TRAPPC14: variants seen among roughly 807,000 people sequenced by gnomAD.
The protein encoded by TRAPPC14 is microtubule associated protein 11.
Under a neutral mutation model 56.6 loss-of-function variants are expected in TRAPPC14, and 24 were observed. The ratio of observed to expected loss-of-function variants is 0.42; its 90% CI spans 0.31 to 0.60. TRAPPC14 has a LOEUF of 0.60. Ranked by LOEUF, TRAPPC14 falls within the 20% of genes least tolerant of loss-of-function variation. The pLI is 0.14. For missense variants in TRAPPC14, 615 were observed against 790.3 expected, an observed-to-expected ratio of 0.78 and a Z score of 2.66; for synonymous variants, 377 against 347.0, an observed-to-expected ratio of 1.09 and a Z score of -0.96.
At chr7:100,156,821 A>T in intron 6 of TRAPPC14, 24 bp downstream of exon 6, 1 of 1,612,520 alleles carries the variant, frequency 6.2e-7, no homozygotes, top group South Asian at 1.1e-5. Flanking sequence ...CTTTTCTTTG[A>T]ACACACCAGC....
At chr7:100,156,580 T>G in intron 7 of TRAPPC14, 31 bp from the exon 8 acceptor site, 2 of 1,612,970 alleles carry the variant, frequency 1.2e-6, no homozygotes, top group Non-Finnish European at 1.7e-6. Flanking sequence ...ATGCTGGCTG[T>G]GTGTGTCAGG....
Position 100,154,734 on chromosome 7 carries a change from G to T in TRAPPC14, c.*277C>A. 1 of 525,618 alleles carries T rather than the reference G, an allele frequency of 1.9e-6. No homozygotes were observed. The highest frequency in any genetic ancestry group is 1.9e-5 in the African/African-American group (1 of 51,862). The allele number at this position is 525,618 out of a possible 1,614,324, so 32.6% of individuals were successfully genotyped here. On this transcript the variant is annotated 3_prime_UTR_variant, in exon 11 of 11. Coordinates refer to ENST00000316937, the MANE Select transcript of TRAPPC14 (RefSeq NM_018275.5). ...CTCAGAACCAGGGTAAAGGGCCGGG[G>T]ACAAGGGAGCTCTGGGAACCCTTGC...
At chr7:100,157,803 G>C (rs1392870225) in intron 2 of TRAPPC14, 40 bp downstream of exon 2, 1 of 1,614,080 alleles carries the variant, frequency 6.2e-7, no homozygotes, top group East Asian at 2.2e-5. Context: ...CGGAAAAGGT[G>C]TCTGAATTAG....
Position 100,156,875 on chromosome 7 carries a change from C to T in TRAPPC14, c.963G>A (p.Gly321=), listed in dbSNP as rs1798891908. Reference sequence around the variant, plus strand: ...TGGCCCCTGGAGGGGGCTGCTCACCCCCTCTCAGCTGAAACAGGAAGTTGT... The same window carrying T: ...TGGCCCCTGGAGGGGGCTGCTCACCTCCTCTCAGCTGAAACAGGAAGTTGT... The part of the protein sequence containing the change: ...EEHNFLFQLR[G]GEQPPPGAKE... Residue 321 remains glycine, a synonymous_variant, in exon 6 of 11, where the codon GGG becomes GGA. Transcript: ENST00000316937. 3 of 1,614,138 alleles carry T rather than the reference C, an allele frequency of 1.9e-6. No individual in the cohort carries two copies. The highest frequency in any genetic ancestry group is 1.7e-6 in the Non-Finnish European group (2 of 1,180,034).
At chr7:100,156,769 C>G in intron 6 of TRAPPC14, 53 bp from the exon 7 acceptor site, 1 of 1,600,786 alleles carries the variant, frequency 6.2e-7, no homozygotes, top group Non-Finnish European at 8.5e-7. Flanking sequence ...CCCCTCCCAT[C>G]TTGAGTCAGC....
chr7:100,156,609 C>A, intron 7 of TRAPPC14, 25 bp downstream of exon 7: 1 of 1,610,648 alleles, frequency 6.2e-7, no homozygotes, highest in Non-Finnish European at 8.5e-7. Flanking sequence ...GCGAACGCCA[C>A]GATTCCTCCA....
rs1484443014 is a variant in TRAPPC14 at position 100,155,162 on chromosome 7, G to C, written c.1592C>G (p.Ser531Trp). 4 of 1,610,764 alleles carry C rather than the reference G, an allele frequency of 2.5e-6. No individual in the cohort carries two copies. In the South Asian group the frequency reaches 4.4e-5, roughly 18 times the overall value. ...QQPSRSHLMRSGSVMERRAIT... is the reference protein window; with the variant it reads ...QQPSRSHLMRWGSVMERRAIT... ...GGCTCTGCGCTCCATCACACTGCCC[G>C]ACCTGGGGGAAGGCAGAGGCTGTGG... The change falls in exon 11 of 11, where the codon TCG becomes TGG. Residue 531 changes from serine to tryptophan, a missense_variant and splice_region_variant. Ser to Trp is a radical substitution (Grantham distance 177). Coordinates refer to ENST00000316937, the MANE Select transcript of TRAPPC14 (RefSeq NM_018275.5).
chr7:100,158,079 A>C lies in TRAPPC14; in HGVS notation c.411+10T>G. ...CTCCGTCCTGTGCCAGGTCCCCCAA[A>C]GCTCCTCACCGTGGTCGCTCCCCCT... On this transcript the variant is annotated intron_variant, in intron 1 of 10. Transcript: ENST00000316937. The C allele has an allele frequency of 6.9e-7, 1 of 1,459,362 alleles. No individual in the cohort carries two copies. Among genetic ancestry groups the C allele is most frequent in the Non-Finnish European group, 9.1e-7 (1 of 1,103,104 alleles). The allele number at this position is 1,459,362 out of a possible 1,614,324, so 90.4% of individuals were successfully genotyped here. A position where few individuals can be genotyped will look rare whatever the true frequency, so the allele number is the denominator to read the frequency against.
Position 100,158,239 on chromosome 7 carries a change from G to T in TRAPPC14, c.261C>A (p.Ala87=), listed in dbSNP as rs1190503075. 2 of 1,483,498 alleles carry T rather than the reference G, an allele frequency of 1.3e-6. No homozygotes were observed. The highest frequency in any genetic ancestry group is 5.4e-5 in the East Asian group (2 of 36,718). The allele number at this position is 1,483,498 out of a possible 1,614,324, so 91.9% of individuals were successfully genotyped here. A position where few individuals can be genotyped will look rare whatever the true frequency, so the allele number is the denominator to read the frequency against. Residue 87 remains alanine (A), a synonymous_variant, in exon 1 of 11, where the codon GCC becomes GCA. Coordinates refer to ENST00000316937, the MANE Select transcript of TRAPPC14 (RefSeq NM_018275.5). The part of the protein sequence containing the change: ...TALAALASVS[A]GGGMPGGGGA... ...CGCCGCCCCCCGGCATCCCGCCTCC[G>T]GCGCTGACCGAGGCCAGGGCGGCCA...
chr7:100,156,404 G>C lies in TRAPPC14; in HGVS notation c.1222C>G (p.Pro408Ala). Reference sequence around the variant, plus strand: ...GACCTACCAGCCTGTGCATGCTCTGGGGTCCACACGAGCCTCACAGCAAGG... The same window carrying C: ...GACCTACCAGCCTGTGCATGCTCTGCGGTCCACACGAGCCTCACAGCAAGG... ...DFLAVRLVWTPEHAQAGKQLC... is the reference protein window; with the variant it reads ...DFLAVRLVWTAEHAQAGKQLC... Residue 408 changes from proline to alanine, a missense_variant, in exon 8 of 11, where the codon CCA becomes GCA. Pro to Ala is a conservative substitution (Grantham distance 27, BLOSUM62 -1). Coordinates refer to ENST00000316937, the MANE Select transcript of TRAPPC14 (RefSeq NM_018275.5). 1 of 1,614,136 alleles carries C rather than the reference G, an allele frequency of 6.2e-7. No individual in the cohort carries two copies.
rs1798848358 is a variant in TRAPPC14, at chr7:100,155,141, C to G, written c.1613G>C (p.Arg538Thr). ...LMRSGSVMER[R>T]AITPPVASPV... ...AGAGGCCACAGGGGGCGTGATGGCT[C>G]TGCGCTCCATCACACTGCCCGACCT... Residue 538 changes from arginine (R) to threonine (T), a missense_variant, in exon 11 of 11, where the codon AGA becomes ACA. Arg to Thr is a moderately conservative substitution (Grantham distance 71). Coordinates refer to ENST00000316937, the MANE Select transcript of TRAPPC14 (RefSeq NM_018275.5). 6.2e-7 allele frequency: 1 copy of G among 1,612,554 alleles called. No homozygotes were observed. The highest frequency in any genetic ancestry group is 1.3e-5 in the African/African-American group (1 of 74,934).
At chr7:100,155,515 A>T in intron 9 of TRAPPC14, 60 bp from the exon 10 acceptor site, 2 of 1,514,716 alleles carry the variant, frequency 1.3e-6, no homozygotes, top group Non-Finnish European at 1.8e-6. Flanking sequence ...CCTCCTTCCA[A>T]ATGGTCTTCC....
In TRAPPC14 at chr7:100,157,099, A is replaced by G. The variant is rs1472809109; in HGVS notation, c.840T>C (p.Asn280=). Residue 280 remains asparagine, a synonymous_variant, in exon 5 of 11, where the codon AAT becomes AAC. Transcript: ENST00000316937. ...MPDGSVLLVD[N]VCHQSGEVSM... is the part of the protein sequence containing the mutation. ...CGCCCCTCCCAGGACCTCACCAGAC[A>G]TTGTCCACCAGCAGCACAGAGCCAT... 6.2e-7 allele frequency: 1 copy of G among 1,614,098 alleles called. No homozygotes were observed. Among genetic ancestry groups the G allele is most frequent in the African/African-American group, 1.3e-5 (1 of 75,030 alleles).
At chr7:100,157,307 C>T (rs370032718) in intron 4 of TRAPPC14, 66 bp downstream of exon 4, 99 of 1,613,028 alleles carry the variant, frequency 6.1e-5, no homozygotes, top group Non-Finnish European at 7.3e-5. Flanking sequence ...CCAGCCTGCC[C>T]AGAGGAACTG....
At chr7:100,156,243 C>G (rs1798878844) in intron 8 of TRAPPC14, 143 bp downstream of exon 8, 3 of 758,260 alleles carry the variant, frequency 4.0e-6, no homozygotes, top group Non-Finnish European at 6.4e-6. Context: ...CACCCAGGTA[C>G]AGGGCGGAAG....
intron 6 of TRAPPC14, 62 bp from the exon 7 acceptor site, chr7:100,156,778 G>C: frequency 6.2e-7 from 1 of 1,601,952 alleles, no homozygotes; most frequent in Admixed American, 1.7e-5. Flanking sequence ...TCTTGAGTCA[G>C]CTGCCTGGTC....
At chr7:100,157,555 C>T in intron 3 of TRAPPC14, 78 bp downstream of exon 3, 1 of 1,606,826 alleles carries the variant, frequency 6.2e-7, no homozygotes, top group Non-Finnish European at 8.5e-7. Flanking sequence ...GCCCATTAGC[C>T]ACTTTCCAGT....
At chr7:100,155,539 T>A (rs997268303) in intron 9 of TRAPPC14, 84 bp from the exon 10 acceptor site, 1 of 1,501,766 alleles carries the variant, frequency 6.7e-7, no homozygotes, top group African/African-American at 1.4e-5. Flanking sequence ...TGTGACAGAC[T>A]GATGTCAAAT....
chr7:100,158,304 A>G lies in TRAPPC14; in HGVS notation c.196T>C (p.Leu66=). 6.8e-7 allele frequency: 1 copy of G among 1,467,278 alleles called. No individual in the cohort carries two copies. Among genetic ancestry groups the G allele is most frequent in the East Asian group, 2.9e-5 (1 of 34,534 alleles). 90.9% of individuals were successfully genotyped at this position (1,467,278 alleles called of 1,614,324 possible). A position where few individuals can be genotyped will look rare whatever the true frequency, so the allele number is the denominator to read the frequency against. The change falls in exon 1 of 11, where the codon TTG becomes CTG. Residue 66 remains leucine, a synonymous_variant. Coordinates refer to ENST00000316937, the MANE Select transcript of TRAPPC14 (RefSeq NM_018275.5). ...AGSGTGGGPG[L]GSRGAWAELA... ...TCTGCCCAGGCTCCTCTGGAGCCCA[A>G]GCCCGGGCCGCCCCCGGTGCCGGAC...
Sources: gnomAD v4.1 joint callset for allele counts on GRCh38, gnomAD v4.1.1 for gene constraint, MANE v1.5 for transcripts, NCBI Gene and HGNC (gene_info 2026-07-23, HGNC 2026-07-21) for gene names.